Variants in SOCS7 observed in about 807,000 individuals in gnomAD.
SOCS7 encodes NAP-4.
Under a neutral mutation model 58.9 loss-of-function variants are expected in SOCS7, and 18 were observed. That is an observed-to-expected ratio of 0.31 (90% confidence interval 0.21 to 0.45). The LOEUF (loss-of-function observed/expected upper bound fraction) is 0.45, where lower values mean the gene tolerates loss of function less well. Among genes scored for constraint, SOCS7 ranks in the 20% least tolerant of loss-of-function variants. The pLI, the probability that SOCS7 is intolerant of heterozygous loss-of-function variation, is 1.00. For synonymous variants in SOCS7, 388 were observed against 364.3 expected (o/e 1.06, Z -0.74); for missense variants, 667 against 837.3 (o/e 0.80, Z 2.51).
intron 7 of SOCS7, among the ~76,000 whole-genome samples, chr17:38,392,639 G>A (rs2038186372): frequency 6.6e-6 from 1 of 152,234 alleles, no homozygotes; most frequent in African/African-American, 2.4e-5. Flanking sequence ...CATGTGGGTA[G>A]AGGAGAGAAG....
Position 38,353,045 on chromosome 17 carries a change from G to A in SOCS7, c.980+13G>A, listed in dbSNP as rs746902150. ...TGGACGCGGGGAGGTGAGACCGGCCGGGGGCTGGCCGACAAACTTCCTTTT... is the reference window on the plus strand; with the variant it reads ...TGGACGCGGGGAGGTGAGACCGGCCAGGGGCTGGCCGACAAACTTCCTTTT... On this transcript the variant is annotated intron_variant, in intron 1 of 9. Transcript: ENST00000612932. 13 of 1,554,212 alleles carry A rather than the reference G, an allele frequency of 8.4e-6. No individual in the cohort carries two copies. The highest frequency in any genetic ancestry group is 1.1e-5 in the Non-Finnish European group (13 of 1,155,022).
At chr17:38,386,166 A>G (rs922360469) in intron 7 of SOCS7, among the ~76,000 whole-genome samples, 2 of 151,886 alleles carry the variant, frequency 1.3e-5, no homozygotes, top group Admixed American at 1.3e-4. Flanking sequence ...CTCACTAAAA[A>G]TATAAAAATT....
intron 1 of SOCS7, among the ~76,000 whole-genome samples, chr17:38,358,613 G>T (rs1294525497): frequency 2.7e-5 from 4 of 150,932 alleles, no homozygotes; most frequent in South Asian, 2.1e-4. Flanking sequence ...ATCTAGATTG[G>T]TTTTTTCATG....
intron 9 of SOCS7, among the ~76,000 whole-genome samples, chr17:38,397,044 G>T (rs149932177): frequency 4.6e-5 from 7 of 152,292 alleles, no homozygotes; most frequent in African/African-American, 1.7e-4. Context: ...AGAGGACCAC[G>T]TCTGTGGGTG....
At chr17:38,388,688 A>C (rs1471745522) in intron 7 of SOCS7, among the ~76,000 whole-genome samples, 4 of 152,096 alleles carry the variant, frequency 2.6e-5, no homozygotes, top group Middle Eastern at 3.2e-3. Context: ...ACCAACCACT[A>C]ATCTGTTTTC....
chr17:38,395,535 A>G, intron 8 of SOCS7, 91 bp downstream of exon 8: 1 of 1,310,138 alleles, frequency 7.6e-7, no homozygotes, highest in Non-Finnish European at 1.1e-6. Context: ...CTACCTTCAC[A>G]GGCAGAGTCT....
intron 7 of SOCS7, among the ~76,000 whole-genome samples, chr17:38,389,900 C>CATATATATATATATGTACATATATATGT (rs1263290062): frequency 3.0e-4 from 6 of 20,194 alleles, no homozygotes; most frequent in Non-Finnish European, 4.9e-4. Context: ...TATATATATA[C>CATATATATATATATGTACATATATATGT]ACATATAGAG....
chr17:38,374,593 T>C (rs1287028993), intron 6 of SOCS7, among the ~76,000 whole-genome samples: 1 of 152,172 alleles, frequency 6.6e-6, no homozygotes. Context: ...TGTGACTTCA[T>C]AGGATCTGTG....
chr17:38,352,799 G>GCAGCAA lies in SOCS7; in HGVS notation c.749_754dup (p.Gln250_Gln251dup). On this transcript the variant is annotated inframe_insertion, in exon 1 of 10. Coordinates refer to ENST00000612932, the MANE Select transcript of SOCS7 (RefSeq NM_014598.4). This position sits in a 1 kb window ranked among gnomAD's most constrained non-coding sequence, Gnocchi z 5.5. ...GAGGGGAGCAGCAGCAGCAGCAGCA[G>GCAGCAA]CAGCAACCTCCCCCGCCCCCGCCTC... The GCAGCAA allele has an allele frequency of 6.4e-7, 1 of 1,552,974 alleles. No homozygotes were observed. Among genetic ancestry groups the GCAGCAA allele is most frequent in the Non-Finnish European group, 8.7e-7 (1 of 1,148,742 alleles).
Position 38,365,847 on chromosome 17 carries a change from A to G in SOCS7, c.1252+438A>G, listed in dbSNP as rs74721002. Reference sequence around the variant, plus strand: ...GCCCATACCTGCTTTGCCAGCTTACAGTACCCAAGGAATAAAATGAATGAA... The same window carrying G: ...GCCCATACCTGCTTTGCCAGCTTACGGTACCCAAGGAATAAAATGAATGAA... On this transcript the variant is annotated intron_variant, in intron 4 of 9. Transcript: ENST00000612932. The G allele has an allele frequency of 1.5e-3, 483 of 314,534 alleles. 18 individuals carry two copies. In the East Asian group the frequency reaches 0.057, roughly 37 times the overall value. The allele number at this position is 314,534 out of a possible 1,614,324, so 19.5% of individuals were successfully genotyped here.
intron 7 of SOCS7, among the ~76,000 whole-genome samples, chr17:38,392,258 C>T (rs1396527246): frequency 6.6e-6 from 1 of 152,156 alleles, no homozygotes; most frequent in Non-Finnish European, 1.5e-5. Context: ...AAAAGTAATA[C>T]AATTAAATAG....
intron 9 of SOCS7, among the ~76,000 whole-genome samples, chr17:38,397,261 G>A (rs745759319): frequency 1.3e-5 from 2 of 152,224 alleles, no homozygotes; most frequent in Non-Finnish European, 2.9e-5. Context: ...TCCTCTCTGT[G>A]GTTCCAGTGG....
In SOCS7 at chr17:38,395,404, C is replaced by T; in HGVS notation, c.1777C>T (p.Leu593Phe). The T allele has an allele frequency of 6.2e-7, 1 of 1,614,146 alleles. No individual in the cohort carries two copies. The highest frequency in any genetic ancestry group is 8.5e-7 in the Non-Finnish European group (1 of 1,180,000). ...CCTTTGCAGATTCCGGATACGACAG[C>T]TCGTCAGGATAGATCACATCCCAGA... ...QHLCRFRIRQ[L>F]VRIDHIPDLP... Residue 593 changes from leucine (L) to phenylalanine (F), a missense_variant, in exon 8 of 10, where the codon CTC becomes TTC. Transcript: ENST00000612932.
At chr17:38,364,498 G>C (rs1037179922) in intron 2 of SOCS7, among the ~76,000 whole-genome samples, 1 of 152,202 alleles carries the variant, frequency 6.6e-6, no homozygotes, top group Non-Finnish European at 1.5e-5. Context: ...ACCAGAATTA[G>C]ATGGTTTTTC....
intron 7 of SOCS7, among the ~76,000 whole-genome samples, chr17:38,390,992 T>C (rs1428374887): frequency 6.6e-6 from 1 of 152,134 alleles, no homozygotes; most frequent in East Asian, 1.9e-4. Flanking sequence ...CCACTGTGCC[T>C]GGCCCATATT....
At chr17:38,364,711 C>A in intron 2 of SOCS7, 41 bp from the exon 3 acceptor site, 1 of 1,546,796 alleles carries the variant, frequency 6.5e-7, no homozygotes, top group Non-Finnish European at 8.9e-7. Context: ...CAGCTTTGGG[C>A]AAGGCGCTTC....
chr17:38,376,727 G>C (rs1489574901), intron 6 of SOCS7, among the ~76,000 whole-genome samples: 2 of 148,880 alleles, frequency 1.3e-5, no homozygotes, highest in Admixed American at 1.3e-4. Flanking sequence ...GCAAGACCCT[G>C]TCGCAAAAAA....
intron 1 of SOCS7, among the ~76,000 whole-genome samples, chr17:38,360,393 A>G (rs1452854672): frequency 6.6e-6 from 1 of 151,358 alleles, no homozygotes; most frequent in African/African-American, 2.4e-5. Context: ...GAGTTTCACC[A>G]TGTTTGCCAG....
rs558052540 is a variant in SOCS7 at position 38,383,734 on chromosome 17, GGGTTTCACCATATTGGTCA to G, written c.1681+5895_1681+5913del. ...TAAATTTTTGTATTTTTTAGAGACG[GGGTTTCACCATATTGGTCA>G]GGCTGGTCTCGAACTCCTGACCTTA... On this transcript the variant is annotated intron_variant, in intron 7 of 9. Coordinates refer to ENST00000612932, the MANE Select transcript of SOCS7 (RefSeq NM_014598.4). Among the ~76,000 whole-genome samples the G allele has an allele frequency of 7.9e-5, 12 of 152,198 alleles. No individual in the cohort carries two copies. In the South Asian group the frequency reaches 2.5e-3, roughly 32 times the overall value.
Sources: gnomAD v4.1 joint callset for allele counts (sites outside exome capture counted in the v4.1 genomes callset) on GRCh38, gnomAD v4.1.1 for gene constraint, Gnocchi (gnomAD v3.1) non-coding constraint, MANE v1.5 for transcripts, NCBI Gene and HGNC (gene_info 2026-07-23, HGNC 2026-07-21) for gene names.